Variants in PIK3R3 observed in about 807,000 individuals in gnomAD.
PIK3R3 encodes phosphoinositide-3-kinase regulatory subunit 3, also known as phosphatidylinositol 3-kinase regulatory subunit gamma.
Under a neutral mutation model 62.9 loss-of-function variants are expected in PIK3R3, and 64 were observed. That is an observed-to-expected ratio of 1.02 (90% CI 0.83 to 1.25). The LOEUF (loss-of-function observed/expected upper bound fraction) is 1.25, where lower values mean the gene tolerates loss of function less well. Among genes scored for constraint, PIK3R3 ranks in the 50% most tolerant of loss-of-function variants. The pLI is 0.00. For synonymous variants in PIK3R3, 165 were observed against 189.0 expected (o/e 0.87, Z 1.04); for missense variants, 614 against 561.6 (o/e 1.09, Z -0.94).
intron 7 of PIK3R3, 29 bp downstream of exon 7, chr1:46,055,766 C>T: frequency 2.0e-6 from 3 of 1,483,040 alleles, no homozygotes; most frequent in Non-Finnish European, 2.7e-6. Flanking sequence ...ACTAACGTCT[C>T]CCTCCCCATA....
At chr1:46,069,859 T>C (rs1160717384) in intron 3 of PIK3R3, among the ~76,000 whole-genome samples, 2 of 152,164 alleles carry the variant, frequency 1.3e-5, no homozygotes, top group Admixed American at 1.3e-4. Flanking sequence ...TGTGATATCC[T>C]AAAAACCAAT....
At chr1:46,045,617 CTTTTTTTTTTTTTTT>C (rs1031388121) in intron 9 of PIK3R3, among the ~76,000 whole-genome samples, 1 of 21,204 alleles carries the variant, frequency 4.7e-5, no homozygotes, top group Admixed American at 6.4e-4. Flanking sequence ...CAATTAAGTG[CTTTTTTTTTTTTTTT>C]TTTTTTTTTT....
chr1:46,155,246 A>G, the PIK3R3 span, among the ~76,000 whole-genome samples: 1 of 152,048 alleles, frequency 6.6e-6, no homozygotes, highest in Non-Finnish European at 1.5e-5. Flanking sequence ...ACTTGAGCCC[A>G]GGCATTCAAG....
At chr1:46,087,592 CTTTTTT>C (rs35296719) in intron 1 of PIK3R3, among the ~76,000 whole-genome samples, 5 of 100,378 alleles carry the variant, frequency 5.0e-5, no homozygotes, top group South Asian at 3.6e-4. Context: ...ACATATTCAT[CTTTTTT>C]TTTTTTTTTT....
intron 1 of PIK3R3, among the ~76,000 whole-genome samples, chr1:46,097,472 AT>A (rs1419417062): frequency 6.6e-6 from 1 of 152,216 alleles, no homozygotes; most frequent in Non-Finnish European, 1.5e-5. Context: ...GATAAAGAGT[AT>A]CTACAGAAAA....
chr1:46,082,951 C>T (rs755234047), intron 1 of PIK3R3, among the ~76,000 whole-genome samples: 1 of 152,002 alleles, frequency 6.6e-6, no homozygotes, highest in Non-Finnish European at 1.5e-5. Context: ...TGGTGGTGCA[C>T]ACCTGTAATC....
intron 1 of PIK3R3, among the ~76,000 whole-genome samples, chr1:46,119,773 A>AT (rs749113212): frequency 0.018 from 2,293 of 124,292 alleles, 41 homozygotes; most frequent in African/African-American, 0.038. Flanking sequence ...CCAACTCCTA[A>AT]TTTTTTTTTT....
At chr1:46,085,469 T>C (rs1272563716) in intron 1 of PIK3R3, among the ~76,000 whole-genome samples, 1 of 152,224 alleles carries the variant, frequency 6.6e-6, no homozygotes, top group Non-Finnish European at 1.5e-5. Flanking sequence ...GAATCTTCCA[T>C]CTAAATGTTT....
At chr1:46,091,179 T>C (rs1016624171) in intron 1 of PIK3R3, among the ~76,000 whole-genome samples, 7 of 150,138 alleles carry the variant, frequency 4.7e-5, no homozygotes, top group Admixed American at 4.7e-4. Flanking sequence ...CTCACTCTGT[T>C]ACCCAGACTG....
At chr1:46,118,910 TA>T (rs1654425750) in intron 1 of PIK3R3, among the ~76,000 whole-genome samples, 1 of 151,944 alleles carries the variant, frequency 6.6e-6, no homozygotes, top group Non-Finnish European at 1.5e-5. Context: ...ACTGGCCTCC[TA>T]GATGATCCCT....
intron 1 of PIK3R3, among the ~76,000 whole-genome samples, chr1:46,101,661 T>C (rs1652689982): frequency 6.6e-6 from 1 of 152,200 alleles, no homozygotes; most frequent in African/African-American, 2.4e-5. Context: ...ACACCAACAT[T>C]ATGCTAAATG....
At chr1:46,105,505 A>G (rs766996557) in intron 1 of PIK3R3, among the ~76,000 whole-genome samples, 1 of 151,990 alleles carries the variant, frequency 6.6e-6, no homozygotes, top group Non-Finnish European at 1.5e-5. Context: ...CTCTGTCTCA[A>G]AACAAAACAA....
chr1:46,117,828 G>A (rs1654319456), intron 1 of PIK3R3, among the ~76,000 whole-genome samples: 2 of 152,164 alleles, frequency 1.3e-5, no homozygotes, highest in Non-Finnish European at 2.9e-5. Flanking sequence ...CCAGCACTTG[G>A]GAGGCCAGGG....
chr1:46,051,324 G>A (rs1041348108), intron 7 of PIK3R3, among the ~76,000 whole-genome samples: 25 of 151,804 alleles, frequency 1.6e-4, no homozygotes, highest in African/African-American at 4.8e-4. Context: ...GCAGTGGGGC[G>A]ATCTCAGCTC....
chr1:46,116,816 G>C (rs1224183795), intron 1 of PIK3R3, among the ~76,000 whole-genome samples: 1 of 151,994 alleles, frequency 6.6e-6, no homozygotes. Context: ...ATGCTATACA[G>C]ATTAGAAAAC....
rs186636783 is a variant in PIK3R3 at position 46,095,418 on chromosome 1, C to T, written c.107-14668G>A. On this transcript the variant is annotated intron_variant, in intron 1 of 9. Coordinates refer to ENST00000262741, the MANE Select transcript of PIK3R3 (RefSeq NM_003629.4). ...AGGATCGCAGGAACAGAAAACCAAA[C>T]ACTGCTTATCCTCACTTATAAGTGG... Among the ~76,000 whole-genome samples, 7 of 152,284 alleles carry T rather than the reference C, an allele frequency of 4.6e-5. No individual in the cohort carries two copies. The South Asian group carries it at 6.2e-4, about 14-fold the overall frequency.
chr1:46,059,322 A>C (rs549804307), intron 6 of PIK3R3, among the ~76,000 whole-genome samples: 5 of 152,340 alleles, frequency 3.3e-5, no homozygotes, highest in African/African-American at 1.2e-4. Context: ...CTACAACAGT[A>C]CTTACTTCAC....
At chr1:46,062,718 T>C (rs1003296653) in intron 5 of PIK3R3, among the ~76,000 whole-genome samples, 2 of 152,252 alleles carry the variant, frequency 1.3e-5, no homozygotes, top group African/African-American at 4.8e-5. Context: ...CTAGAAGTTT[T>C]GATGTTTATG....
chr1:46,131,718 G>A, intron 1 of PIK3R3, 129 bp downstream of exon 1: 1 of 776,176 alleles, frequency 1.3e-6, no homozygotes, highest in Non-Finnish European at 2.1e-6. Context: ...TACCGCAGCT[G>A]TAACTGCAAA....
Sources: gnomAD v4.1 joint callset for allele counts (sites outside exome capture counted in the v4.1 genomes callset) on GRCh38, gnomAD v4.1.1 for gene constraint, MANE v1.5 for transcripts, NCBI Gene and HGNC (gene_info 2026-07-23, HGNC 2026-07-21) for gene names.